The following PRMT8 variants were observed in gnomAD, a reference collection of about 807,000 sequenced individuals.
The protein encoded by PRMT8 is protein arginine methyltransferase 8, also known as protein arginine N-methyltransferase 8.
A neutral mutation model predicts 47.1 loss-of-function variants in PRMT8; 7 were observed. That is an observed-to-expected ratio of 0.15 (90% CI 0.08 to 0.28). The LOEUF is 0.28. Ranked by LOEUF, PRMT8 falls within the 10% of genes least tolerant of loss-of-function variation. PRMT8 has a pLI of 1.00. For synonymous variants in PRMT8, 188 were observed against 186.5 expected (o/e 1.01, Z -0.07); for missense variants, 237 against 505.4 (o/e 0.47, Z 5.09).
chr12:3,451,030 GACACCCCCC>G (rs1346749639), intron 1 of PRMT8, among the ~76,000 whole-genome samples: 1 of 44,008 alleles, frequency 2.3e-5, no homozygotes, highest in African/African-American at 9.4e-5. Context: ...TGATCTTGCT[GACACCCCCC>G]CCCCCCCCCC....
chr12:3,588,608 A>G (rs2137235906), intron 8 of PRMT8, among the ~76,000 whole-genome samples: 1 of 152,348 alleles, frequency 6.6e-6, no homozygotes, highest in Middle Eastern at 3.4e-3. Flanking sequence ...TTCTACAGCC[A>G]TACCCGGCCT....
At chr12:3,545,776 A>C (rs1273790324) in intron 2 of PRMT8, among the ~76,000 whole-genome samples, 1 of 152,250 alleles carries the variant, frequency 6.6e-6, no homozygotes, top group Non-Finnish European at 1.5e-5. Context: ...TATTTTTAAC[A>C]CTTCTGTCTT....
rs1422830381 is a variant in PRMT8, at chr12:3,580,331, C to CGTGT, written c.829-2725_829-2722dup. Among the ~76,000 whole-genome samples the CGTGT allele has an allele frequency of 1.8e-5, 2 of 110,078 alleles. No individual in the cohort carries two copies. The highest frequency in any genetic ancestry group is 2.0e-5 in the Non-Finnish European group (1 of 50,456). 72.2% of individuals were successfully genotyped at this position (110,078 alleles called of 152,430 possible). A position where few individuals can be genotyped will look rare whatever the true frequency, so the allele number is the denominator to read the frequency against. On this transcript the variant is annotated intron_variant, in intron 7 of 9. Coordinates refer to ENST00000382622, the MANE Select transcript of PRMT8 (RefSeq NM_019854.5). The surrounding 1 kb of genome is among the most constrained non-coding windows in gnomAD (Gnocchi z 4.6). ...TGGAATTCCTGCCAGATGGGGGGTG[C>CGTGT]GTGTGCGTGTGTGTGTGTGTGTGTG...
chr12:3,414,083 A>G (rs1864460595), intron 1 of PRMT8, among the ~76,000 whole-genome samples: 1 of 152,204 alleles, frequency 6.6e-6, no homozygotes, highest in African/African-American at 2.4e-5. Context: ...TGAGTTACTC[A>G]TTGTCTCTGT....
intron 1 of PRMT8, among the ~76,000 whole-genome samples, chr12:3,445,627 C>T (rs1031159294): frequency 6.6e-5 from 10 of 152,096 alleles, no homozygotes; most frequent in Non-Finnish European, 1.2e-4. Context: ...TGATCAGCTC[C>T]ATTTGCTTGC....
chr12:3,592,673 G>A (rs1867333276), intron 9 of PRMT8, among the ~76,000 whole-genome samples: 1 of 152,154 alleles, frequency 6.6e-6, no homozygotes. Context: ...CAGGAGATAA[G>A]CTCCTGGTGG....
intron 1 of PRMT8, among the ~76,000 whole-genome samples, chr12:3,449,997 G>A (rs747085373): frequency 6.6e-6 from 1 of 152,160 alleles, no homozygotes; most frequent in Non-Finnish European, 1.5e-5. Context: ...CCTTTTAAAT[G>A]TCTTGATTAA....
chr12:3,566,071 C>T lies in PRMT8; in HGVS notation c.482-2635C>T. Among the ~76,000 whole-genome samples the T allele has an allele frequency of 6.6e-6, 1 of 152,022 alleles. No individual in the cohort carries two copies. The highest frequency in any genetic ancestry group is 2.1e-4 in the South Asian group (1 of 4,818). On this transcript the variant is annotated intron_variant, in intron 4 of 9. Coordinates refer to ENST00000382622, the MANE Select transcript of PRMT8 (RefSeq NM_019854.5). The surrounding 1 kb of genome is among the most constrained non-coding windows in gnomAD (Gnocchi z 4.7). The stretch of plus-strand genomic sequence containing the variant: ...GACACAGGCAGACATTAGGGAAGAA[C>T]CTTCAAGAAACGTGCAAAGAAAAAA...
At chr12:3,408,149 CTT>C (rs1864391082) in intron 1 of PRMT8, among the ~76,000 whole-genome samples, 1 of 150,972 alleles carries the variant, frequency 6.6e-6, no homozygotes, top group African/African-American at 2.4e-5. Context: ...CCCTCCCTCT[CTT>C]TCTCTTTCTT....
chr12:3,468,215 G>A (rs1031084558), intron 1 of PRMT8, among the ~76,000 whole-genome samples: 1 of 152,178 alleles, frequency 6.6e-6, no homozygotes, highest in African/African-American at 2.4e-5. Context: ...TGCGTAAGCA[G>A]GTGCACTACT....
chr12:3,478,307 T>C (rs4765737), intron 1 of PRMT8, among the ~76,000 whole-genome samples: 21,670 of 135,564 alleles, frequency 0.16, 3,003 homozygotes, highest in African/African-American at 0.22. Context: ...TATCTATCTA[T>C]CTACCTACCT....
chr12:3,546,353 T>TG lies in PRMT8; in HGVS notation c.262-3582dup, dbSNP rs1565437461. Among the ~76,000 whole-genome samples, 4 of 151,906 alleles carry TG rather than the reference T, an allele frequency of 2.6e-5. No individual in the cohort carries two copies. In the South Asian group the frequency reaches 8.3e-4, roughly 32 times the overall value. ...TAATTAAGATGAAAGCAGAAGTCAA[T>TG]GAAATAGAAACCAAGCAGTGGAGAA... On this transcript the variant is annotated intron_variant, in intron 2 of 9. Coordinates refer to ENST00000382622, the MANE Select transcript of PRMT8 (RefSeq NM_019854.5).
chr12:3,413,517 T>A (rs1449863838), intron 1 of PRMT8, among the ~76,000 whole-genome samples: 1 of 152,196 alleles, frequency 6.6e-6, no homozygotes, highest in Non-Finnish European at 1.5e-5. Flanking sequence ...CACTTCCTCA[T>A]CTTGTCCCAC....
At chr12:3,585,371 T>TTTC (rs1867148880) in intron 8 of PRMT8, among the ~76,000 whole-genome samples, 1 of 142,182 alleles carries the variant, frequency 7.0e-6, no homozygotes, top group East Asian at 2.0e-4. Flanking sequence ...TTTTTTTTTT[T>TTTC]TCTCAGAGAC....
chr12:3,584,032 C>T (rs1427087076), intron 8 of PRMT8, among the ~76,000 whole-genome samples: 2 of 152,266 alleles, frequency 1.3e-5, no homozygotes, highest in Admixed American at 6.5e-5. Flanking sequence ...ATCATCCCCT[C>T]TTCTCCTGTA....
intron 1 of PRMT8, among the ~76,000 whole-genome samples, chr12:3,532,234 C>G (rs898397769): frequency 6.7e-6 from 1 of 149,536 alleles, no homozygotes; most frequent in Non-Finnish European, 1.5e-5. Context: ...CCTAATTCCT[C>G]TTAGAAATTT....
chr12:3,385,917 G>GTCCATCCA lies in PRMT8; in HGVS notation c.48+4492_48+4499dup, dbSNP rs35259475. On this transcript the variant is annotated intron_variant, in intron 1 of 9. Transcript: ENST00000452611. Reference sequence around the variant, plus strand: ...CGTTCTTTTGTCTACTTGTTCATCCGTCCATCCATCCATCCATCCATCCAC... The same window carrying GTCCATCCA: ...CGTTCTTTTGTCTACTTGTTCATCCGTCCATCCATCCATCCATCCATCCATCCATCCAC... 4.4e-4 allele frequency among the ~76,000 whole-genome samples: 66 copies of GTCCATCCA among 151,234 alleles called. 1 individual carries two copies. The highest frequency in any genetic ancestry group is 3.1e-3 in the South Asian group (15 of 4,772).
intron 9 of PRMT8, among the ~76,000 whole-genome samples, chr12:3,592,580 C>T (rs2137241155): frequency 6.6e-6 from 1 of 152,268 alleles, no homozygotes; most frequent in African/African-American, 2.4e-5. Flanking sequence ...TCTGGACTGC[C>T]TTGGCTTTGA....
chr12:3,475,047 C>A (rs575481890), intron 1 of PRMT8, among the ~76,000 whole-genome samples: 187 of 152,306 alleles, frequency 1.2e-3, no homozygotes, highest in African/African-American at 4.2e-3. Context: ...CTCCTAGCAG[C>A]ATGGTGACCT....
Sources: gnomAD v4.1 joint callset for allele counts (sites outside exome capture counted in the v4.1 genomes callset) on GRCh38, gnomAD v4.1.1 for gene constraint, Gnocchi (gnomAD v3.1) non-coding constraint, MANE v1.5 for transcripts, NCBI Gene and HGNC (gene_info 2026-07-23, HGNC 2026-07-21) for gene names.